CCND1: variants seen among roughly 807,000 people sequenced by gnomAD.
The protein encoded by CCND1 is G1/S-specific cyclin-D1.
A neutral mutation model predicts 26.1 loss-of-function variants in CCND1; 9 were observed. The observed-to-expected ratio is 0.35, with a 90% CI of 0.21 to 0.60. The LOEUF (loss-of-function observed/expected upper bound fraction) is 0.60, where lower values mean the gene tolerates loss of function less well. CCND1 is among the 20% of genes least tolerant of loss of function. CCND1 has a pLI of 0.79. For synonymous variants in CCND1, 194 were observed against 166.1 expected (o/e 1.17, Z -1.29); for missense variants, 335 against 392.9 (o/e 0.85, Z 1.25).
chr11:69,641,453 G>A lies in CCND1; in HGVS notation c.140G>A (p.Cys47Tyr), dbSNP rs2120081248. ...GCGCCCTCGGTGTCCTACTTCAAAT[G>A]TGTGCAGAAGGAGGTCCTGCCGTCC... The part of the protein sequence containing the change: ...TCAPSVSYFK[C>Y]VQKEVLPSMR... The change falls in exon 1 of 5, where the codon TGT becomes TAT. Residue 47 changes from cysteine (C) to tyrosine (Y), a missense_variant. By Grantham distance (194) the Cys-to-Tyr change is radical. Coordinates refer to ENST00000227507, the MANE Select transcript of CCND1 (RefSeq NM_053056.3). 3.1e-6 allele frequency: 5 copies of A among 1,613,444 alleles called. No homozygotes were observed. The highest frequency in any genetic ancestry group is 4.2e-6 in the Non-Finnish European group (5 of 1,180,040).
intron 1 of CCND1, among the ~76,000 whole-genome samples, chr11:69,642,340 C>T (rs2120084958): frequency 6.6e-6 from 1 of 152,048 alleles, no homozygotes; most frequent in South Asian, 2.1e-4. Flanking sequence ...CTTCGGTGGG[C>T]GCCTGAGGGG....
chr11:69,643,147 T>G lies in CCND1; in HGVS notation c.315T>G (p.Thr105=), dbSNP rs758621368. 4.8e-5 allele frequency: 77 copies of G among 1,609,802 alleles called. No individual in the cohort carries two copies. In the African/African-American group the frequency reaches 9.5e-4, roughly 20 times the overall value. ...GCCGCCTGCAGCTGCTGGGGGCCAC[T>G]TGCATGTTCGTGGCCTCTAAGATGA... ...KKSRLQLLGA[T]CMFVASKMKE... is the part of the protein sequence containing the mutation. Residue 105 remains threonine, a synonymous_variant, in exon 2 of 5, where the codon ACT becomes ACG. Transcript: ENST00000227507.
In CCND1 at chr11:69,641,250, G is replaced by C. The variant is rs1191242205; in HGVS notation, c.-64G>C. ...AGGGAGCGCGGGGCAGCAGAAGCGA[G>C]AGCCGAGCGCGGACCCAGCCAGGAC... On this transcript the variant is annotated 5_prime_UTR_variant, in exon 1 of 5. Transcript: ENST00000227507. The C allele has an allele frequency of 6.7e-7, 1 of 1,489,016 alleles. No individual in the cohort carries two copies. Among genetic ancestry groups the C allele is most frequent in the African/African-American group, 1.4e-5 (1 of 72,752 alleles). 92.2% of individuals were successfully genotyped at this position (1,489,016 alleles called of 1,614,324 possible).
rs55816909 is a variant in CCND1, at chr11:69,643,662, G to C, written c.415-170G>C. 0.053 allele frequency: 31,759 copies of C among 599,106 alleles called. 2,256 individuals are homozygous for C. The highest frequency in any genetic ancestry group is 0.25 in the African/African-American group (13,536 of 53,142). The allele number at this position is 599,106 out of a possible 1,614,324, so 37.1% of individuals were successfully genotyped here. A position where few individuals can be genotyped will look rare whatever the true frequency, so the allele number is the denominator to read the frequency against. ...TTGCGTGTTGCCCCAGCTCCCTTGAGTCCCCAGCATTCGCCAGCCCTCCCC... is the reference window on the plus strand; with the variant it reads ...TTGCGTGTTGCCCCAGCTCCCTTGACTCCCCAGCATTCGCCAGCCCTCCCC... On this transcript the variant is annotated intron_variant, in intron 2 of 4. Coordinates refer to ENST00000227507, the MANE Select transcript of CCND1 (RefSeq NM_053056.3).
intron 4 of CCND1, among the ~76,000 whole-genome samples, chr11:69,649,720 A>G (rs1284882734): frequency 6.6e-6 from 1 of 152,122 alleles, no homozygotes; most frequent in Non-Finnish European, 1.5e-5. Context: ...GAATGAAGGA[A>G]GGTCCTGGAG....
intron 4 of CCND1, 111 bp downstream of exon 4, chr11:69,648,253 G>A (rs1242084103): frequency 5.5e-6 from 7 of 1,276,464 alleles, no homozygotes; most frequent in Non-Finnish European, 7.7e-6. Flanking sequence ...GACAAGGTTG[G>A]GGCTGGGGCT....
At position 69,654,443 on chromosome 11, in the gene CCND1, G is replaced by T. The variant is rs758578621; in HGVS notation, c.*3161G>T. The T allele has an allele frequency of 1.5e-6, 1 of 669,576 alleles. No individual in the cohort carries two copies. The highest frequency in any genetic ancestry group is 2.7e-6 in the Non-Finnish European group (1 of 366,616). The allele number at this position is 669,576 out of a possible 1,614,324, so 41.5% of individuals were successfully genotyped here. On this transcript the variant is annotated 3_prime_UTR_variant, in exon 5 of 5. Transcript: ENST00000227507. The surrounding 1 kb of genome is among the most constrained non-coding windows in gnomAD (Gnocchi z 6.3). Reference sequence around the variant, plus strand: ...CAGCAGAAGACAAAAAGACAAACATGAAAGTCTAGAAATAAAACTGGTAAA... The same window carrying T: ...CAGCAGAAGACAAAAAGACAAACATTAAAGTCTAGAAATAAAACTGGTAAA...
At chr11:69,646,784 C>T (rs1161905871) in intron 3 of CCND1, among the ~76,000 whole-genome samples, 2 of 152,228 alleles carry the variant, frequency 1.3e-5, no homozygotes, top group Non-Finnish European at 2.9e-5. Flanking sequence ...CATTCCCCGC[C>T]ACAAACCAGG....
In CCND1 at chr11:69,652,018, C is replaced by A. The variant is rs1318342035; in HGVS notation, c.*736C>A. 4.3e-6 allele frequency: 1 copy of A among 233,152 alleles called. No individual in the cohort carries two copies. Among genetic ancestry groups the A allele is most frequent in the African/African-American group, 2.2e-5 (1 of 45,334 alleles). 14.4% of individuals were successfully genotyped at this position (233,152 alleles called of 1,614,324 possible). On this transcript the variant is annotated 3_prime_UTR_variant, in exon 5 of 5. Transcript: ENST00000227507. ...GTGACCACCACCCCAACAAACCATC[C>A]AGTGACAAACCATCCAGTGGAGGTT...
chr11:69,642,954 C>T (rs1855728238), intron 1 of CCND1, 77 bp from the exon 2 acceptor site: 2 of 1,133,976 alleles, frequency 1.8e-6, no homozygotes, highest in Non-Finnish European at 2.3e-6. Flanking sequence ...CCCTGCCAAG[C>T]GCGATGGGGG....
rs1045171871 is a variant in CCND1, at chr11:69,654,082, G to C, written c.*2800G>C. 5 of 635,624 alleles carry C rather than the reference G, an allele frequency of 7.9e-6. No individual in the cohort carries two copies. Among genetic ancestry groups the C allele is most frequent in the African/African-American group, 7.2e-5 (4 of 55,834 alleles). 39.4% of individuals were successfully genotyped at this position (635,624 alleles called of 1,614,324 possible). A position where few individuals can be genotyped will look rare whatever the true frequency, so the allele number is the denominator to read the frequency against. On this transcript the variant is annotated 3_prime_UTR_variant, in exon 5 of 5. Coordinates refer to ENST00000227507, the MANE Select transcript of CCND1 (RefSeq NM_053056.3). The surrounding 1 kb of genome is among the most constrained non-coding windows in gnomAD (Gnocchi z 6.3). ...GTGGTTGGGGCCCTGCCCTGGCAGGGTCATCCTGTGCTCGGAGGCCATCTC... is the reference window on the plus strand; with the variant it reads ...GTGGTTGGGGCCCTGCCCTGGCAGGCTCATCCTGTGCTCGGAGGCCATCTC...
At position 69,641,585 on chromosome 11, in the gene CCND1, A is replaced by AC. The variant is rs1855700732; in HGVS notation, c.198+80dup. On this transcript the variant is annotated intron_variant, in intron 1 of 4. Transcript: ENST00000227507. Reference sequence around the variant, plus strand: ...CCAGACCCACGTTTCTTTGCTACTCACCCCCCTCCCTTCTCTCCCGCTAGA... The same window carrying AC: ...CCAGACCCACGTTTCTTTGCTACTCACCCCCCCTCCCTTCTCTCCCGCTAGA... The AC allele has an allele frequency of 6.7e-6, 9 of 1,348,056 alleles. No homozygotes were observed. The South Asian group carries it at 9.6e-5, about 14-fold the overall frequency. 83.5% of individuals were successfully genotyped at this position (1,348,056 alleles called of 1,614,324 possible). A position where few individuals can be genotyped will look rare whatever the true frequency, so the allele number is the denominator to read the frequency against.
chr11:69,644,234 T>A, intron 3 of CCND1: 1 of 547,624 alleles, frequency 1.8e-6, no homozygotes, highest in East Asian at 3.1e-5. Flanking sequence ...TGTGGACGGC[T>A]CAGCCTGCCT....
chr11:69,643,679 G>C, intron 2 of CCND1, 153 bp from the exon 3 acceptor site: 1 of 655,860 alleles, frequency 1.5e-6, no homozygotes, highest in Non-Finnish European at 2.6e-6. Context: ...GCATTCGCCA[G>C]CCCTCCCCTC....
chr11:69,648,973 A>G (rs1453942075), intron 4 of CCND1, among the ~76,000 whole-genome samples: 2 of 152,128 alleles, frequency 1.3e-5, no homozygotes, highest in African/African-American at 4.8e-5. Flanking sequence ...CACTGGGAGT[A>G]GCGGCTGCCC....
chr11:69,641,391 G>A lies in CCND1; in HGVS notation c.78G>A (p.Arg26=), dbSNP rs754993859. ...AYPDANLLND[R]VLRAMLKAEE... Reference sequence around the variant, plus strand: ...CCGATGCCAACCTCCTCAACGACCGGGTGCTGCGGGCCATGCTGAAGGCGG... The same window carrying A: ...CCGATGCCAACCTCCTCAACGACCGAGTGCTGCGGGCCATGCTGAAGGCGG... The change falls in exon 1 of 5, where the codon CGG becomes CGA. Residue 26 remains arginine, a synonymous_variant. Transcript: ENST00000227507. 37 of 1,613,360 alleles carry A rather than the reference G, an allele frequency of 2.3e-5. No individual in the cohort carries two copies. Among genetic ancestry groups the A allele is most frequent in the Non-Finnish European group, 3.1e-5 (36 of 1,180,042 alleles).
Position 69,643,905 on chromosome 11 carries a change from A to C in CCND1, c.488A>C (p.His163Pro), listed in dbSNP as rs768767169. 1.2e-6 allele frequency: 2 copies of C among 1,613,548 alleles called. No individual in the cohort carries two copies. The highest frequency in any genetic ancestry group is 3.3e-5 in the Admixed American group (2 of 60,002). ...ATGACCCCGCACGATTTCATTGAAC[A>C]CTTCCTCTCCAAAATGCCAGAGGCG... ...AAMTPHDFIE[H>P]FLSKMPEAEE... The change falls in exon 3 of 5, where the codon CAC (histidine) becomes CCC (proline). Residue 163 changes from histidine (H) to proline (P), a missense_variant. By Grantham distance (77) the His-to-Pro change is moderately conservative. Transcript: ENST00000227507.
At position 69,641,198 on chromosome 11, in the gene CCND1, C is replaced by A. The variant is rs533645963; in HGVS notation, c.-116C>A. On this transcript the variant is annotated 5_prime_UTR_variant, in exon 1 of 5. Transcript: ENST00000227507. The stretch of plus-strand genomic sequence containing the variant: ...GTAGCAGCGAGCAGCAGAGTCCGCA[C>A]GCTCCGGCGAGGGGCAGAAGAGCGC... 2.9e-6 allele frequency: 3 copies of A among 1,037,558 alleles called. No homozygotes were observed. Among genetic ancestry groups the A allele is most frequent in the African/African-American group, 1.6e-5 (1 of 64,200 alleles). The allele number at this position is 1,037,558 out of a possible 1,614,324, so 64.3% of individuals were successfully genotyped here.
At position 69,654,444 on chromosome 11, in the gene CCND1, A is replaced by G. The variant is rs1482825753; in HGVS notation, c.*3162A>G. 9.0e-6 allele frequency: 6 copies of G among 669,836 alleles called. No individual in the cohort carries two copies. Among genetic ancestry groups the G allele is most frequent in the South Asian group, 6.4e-5 (4 of 62,364 alleles). 41.5% of individuals were successfully genotyped at this position (669,836 alleles called of 1,614,324 possible). A position where few individuals can be genotyped will look rare whatever the true frequency, so the allele number is the denominator to read the frequency against. On this transcript the variant is annotated 3_prime_UTR_variant, in exon 5 of 5. Transcript: ENST00000227507. This position sits in a 1 kb window ranked among gnomAD's most constrained non-coding sequence, Gnocchi z 6.3. ...AGCAGAAGACAAAAAGACAAACATG[A>G]AAGTCTAGAAATAAAACTGGTAAAA...
Sources: allele counts gnomAD v4.1 joint callset (sites outside exome capture counted in the v4.1 genomes callset), GRCh38; gene constraint gnomAD v4.1.1; non-coding constraint Gnocchi (gnomAD v3.1); transcripts MANE v1.5; gene names NCBI Gene and HGNC (gene_info 2026-07-23, HGNC 2026-07-21).